The following TRIM24 variants were observed in gnomAD, a reference collection of about 807,000 sequenced individuals.
The protein encoded by TRIM24 is tripartite motif containing 24.
A neutral mutation model predicts 123.9 loss-of-function variants in TRIM24; 29 were observed. The ratio of observed to expected loss-of-function variants is 0.23; its 90% confidence interval spans 0.17 to 0.32. The LOEUF (loss-of-function observed/expected upper bound fraction) is 0.32. Among genes scored for constraint, TRIM24 ranks in the 10% least tolerant of loss-of-function variants. The probability of loss-of-function intolerance (pLI) is 1.00; values close to 1 mark genes in which losing one functional copy is unlikely to be tolerated. For synonymous variants in TRIM24, 456 were observed against 461.1 expected (o/e 0.99, Z 0.14); for missense variants, 932 against 1,295.3 (o/e 0.72, Z 4.31).
At chr7:138,560,288 A>G (rs749598028) in intron 9 of TRIM24, among the ~76,000 whole-genome samples, 41 of 152,208 alleles carry the variant, frequency 2.7e-4, no homozygotes, top group Admixed American at 6.5e-5. Context: ...TTTCGGCTAC[A>G]AATGCTGGAC....
intron 6 of TRIM24, among the ~76,000 whole-genome samples, chr7:138,530,541 A>G (rs1399690779): frequency 6.6e-6 from 1 of 152,128 alleles, no homozygotes; most frequent in East Asian, 1.9e-4. Context: ...ATCACGGCTC[A>G]CTACAGCCTC....
chr7:138,485,323 C>G (rs1473263868), intron 1 of TRIM24, among the ~76,000 whole-genome samples: 4 of 151,616 alleles, frequency 2.6e-5, no homozygotes, highest in Non-Finnish European at 4.4e-5. Context: ...ACTGCTATTT[C>G]CAGAACTTTT....
rs1293252600 is a variant in TRIM24 at position 138,524,031 on chromosome 7, AT to A, written c.765-1207del. ...TTTTGGGACAGTGTAATCACAACCA[AT>A]TTGGCCTCATCTTAGGGATACAGAA... On this transcript the variant is annotated intron_variant, in intron 4 of 18. Transcript: ENST00000343526. Among the ~76,000 whole-genome samples the A allele has an allele frequency of 2.0e-5, 3 of 152,126 alleles. No individual in the cohort carries two copies. In the East Asian group the frequency reaches 5.8e-4, roughly 29 times the overall value.
intron 1 of TRIM24, among the ~76,000 whole-genome samples, chr7:138,501,044 C>T (rs1396898438): frequency 2.0e-5 from 3 of 151,818 alleles, no homozygotes; most frequent in Non-Finnish European, 4.4e-5. Context: ...CTGAATGAGT[C>T]AGGGAGTGAG....
intron 1 of TRIM24, among the ~76,000 whole-genome samples, chr7:138,468,479 A>G (rs909435843): frequency 6.6e-6 from 1 of 150,900 alleles, no homozygotes; most frequent in East Asian, 2.0e-4. Context: ...TTTTTAATCT[A>G]TGTGTTTGAA....
At chr7:138,578,561 T>C (rs199857440) in intron 14 of TRIM24, among the ~76,000 whole-genome samples, 11,555 of 99,526 alleles carry the variant, frequency 0.12, 1,199 homozygotes, top group African/African-American at 0.28. Flanking sequence ...TGTGTGTGTG[T>C]GTGCGCGCAC....
intron 2 of TRIM24, among the ~76,000 whole-genome samples, chr7:138,508,692 T>TGTGCGCGCGCGGGC (rs1422176564): frequency 7.3e-6 from 1 of 137,214 alleles, no homozygotes; most frequent in Non-Finnish European, 1.6e-5. Context: ...TGTGTGTGTG[T>TGTGCGCGCGCGGGC]GCGCGCGCGT....
chr7:138,461,502 A>G (rs1794971052), intron 1 of TRIM24, among the ~76,000 whole-genome samples: 1 of 152,200 alleles, frequency 6.6e-6, no homozygotes, highest in Non-Finnish European at 1.5e-5. Context: ...GCTGGGGACA[A>G]AGGAACCAAG....
At position 138,575,578 on chromosome 7, in the gene TRIM24, C is replaced by T. The variant is rs1797741118; in HGVS notation, c.2015-795C>T. Among the ~76,000 whole-genome samples the T allele has an allele frequency of 2.0e-5, 3 of 151,616 alleles. No individual in the cohort carries two copies. The South Asian group carries it at 6.2e-4, about 31-fold the overall frequency. ...ATGATAATCTTCATTTTATCAGCCA[C>T]ATCCTGTTGTTCATCAAACCTTTTA... On this transcript the variant is annotated intron_variant, in intron 12 of 18. Transcript: ENST00000343526.
chr7:138,482,156 C>G (rs542420506), intron 1 of TRIM24, among the ~76,000 whole-genome samples: 80 of 152,060 alleles, frequency 5.3e-4, no homozygotes, highest in African/African-American at 1.8e-3. Context: ...CTATGTTGCC[C>G]AATTTGGTCT....
At chr7:138,573,235 A>G (rs1177657117) in intron 11 of TRIM24, among the ~76,000 whole-genome samples, 1 of 152,182 alleles carries the variant, frequency 6.6e-6, no homozygotes, top group Non-Finnish European at 1.5e-5. Flanking sequence ...AATTTTTTCA[A>G]TTTTTAAGAG....
chr7:138,523,091 A>G (rs1055937647), intron 4 of TRIM24, among the ~76,000 whole-genome samples: 1 of 152,204 alleles, frequency 6.6e-6, no homozygotes, highest in Admixed American at 6.5e-5. Context: ...AAAGAAACAT[A>G]ATAAAGACAA....
chr7:138,513,660 C>T (rs1437010478), intron 2 of TRIM24, among the ~76,000 whole-genome samples: 1 of 152,126 alleles, frequency 6.6e-6, no homozygotes, highest in Non-Finnish European at 1.5e-5. Flanking sequence ...CCCCATGATA[C>T]ACCTACCTCC....
chr7:138,537,026 A>G (rs911682026), intron 6 of TRIM24, among the ~76,000 whole-genome samples: 3 of 152,126 alleles, frequency 2.0e-5, no homozygotes, highest in Admixed American at 6.5e-5. Context: ...GACGTGGGTT[A>G]TAATCTCCTG....
chr7:138,565,140 A>G (rs76354668), intron 9 of TRIM24, among the ~76,000 whole-genome samples: 3,318 of 152,132 alleles, frequency 0.022, 104 homozygotes, highest in African/African-American at 0.073. Context: ...CACTCCCCGC[A>G]TTGGTTCCTC....
chr7:138,508,721 G>GTGTGTGTGTGTGCA (rs1796219030), intron 2 of TRIM24, among the ~76,000 whole-genome samples: 3 of 116,882 alleles, frequency 2.6e-5, no homozygotes, highest in African/African-American at 7.0e-5. Flanking sequence ...GTGTGTGTGC[G>GTGTGTGTGTGTGCA]TGTGTGTGTG....
intron 5 of TRIM24, among the ~76,000 whole-genome samples, chr7:138,528,135 T>C (rs77390775): frequency 0.022 from 3,308 of 152,286 alleles, 100 homozygotes; most frequent in African/African-American, 0.073. Context: ...TGCCTTGTGC[T>C]GGCTTATCTC....
Position 138,580,685 on chromosome 7 carries a change from A to G in TRIM24, c.2709A>G (p.Ile903Met), listed in dbSNP as rs755404266. Residue 903 changes from isoleucine (I) to methionine (M), a missense_variant, in exon 16 of 19, where the codon ATA becomes ATG. Ile to Met is a conservative substitution (Grantham distance 10). Transcript: ENST00000343526. ...AAGGCCTTGTTAAGTTAACACCTATAGATAAAAGGGTAAGTCTTTGGTAAG... is the reference window on the plus strand; with the variant it reads ...AAGGCCTTGTTAAGTTAACACCTATGGATAAAAGGGTAAGTCTTTGGTAAG... The part of the protein sequence containing the change: ...KTEGLVKLTP[I>M]DKRKCERLLL... The G allele has an allele frequency of 6.2e-7, 1 of 1,613,380 alleles. No homozygotes were observed. Among genetic ancestry groups the G allele is most frequent in the Non-Finnish European group, 8.5e-7 (1 of 1,179,736 alleles).
At position 138,583,894 on chromosome 7, in the gene TRIM24, A is replaced by G; in HGVS notation, c.2838A>G (p.Ser946=). The G allele has an allele frequency of 6.3e-7, 1 of 1,597,694 alleles. No homozygotes were observed. The highest frequency in any genetic ancestry group is 8.5e-7 in the Non-Finnish European group (1 of 1,173,420). ...YKIIKNPMDL[S]TIKKRLQEDY... ...TAATTAAAAATCCAATGGATTTGTC[A>G]ACCATCAAGAAAAGACTACAAGAAG... Residue 946 remains serine (S), a synonymous_variant, in exon 18 of 19, where the codon TCA becomes TCG. Coordinates refer to ENST00000343526, the MANE Select transcript of TRIM24 (RefSeq NM_015905.3).
Sources: allele counts gnomAD v4.1 joint callset (sites outside exome capture counted in the v4.1 genomes callset), GRCh38; gene constraint gnomAD v4.1.1; transcripts MANE v1.5; gene names NCBI Gene and HGNC (gene_info 2026-07-23, HGNC 2026-07-21).